KCNQ5: variants seen among roughly 807,000 people sequenced by gnomAD.
KCNQ5 encodes potassium voltage-gated channel subfamily KQT member 5.
Under a neutral mutation model 98.2 loss-of-function variants are expected in KCNQ5, and 30 were observed. That is an observed-to-expected ratio of 0.31 (90% confidence interval 0.23 to 0.41). KCNQ5 has a LOEUF of 0.41. KCNQ5 is among the 10% of genes least tolerant of loss of function. The pLI, the probability that KCNQ5 is intolerant of heterozygous loss-of-function variation, is 1.00. For missense variants in KCNQ5, 835 were observed against 1,182.5 expected, an observed-to-expected ratio of 0.71 and a Z score of 4.31; for synonymous variants, 458 against 449.4, an observed-to-expected ratio of 1.02 and a Z score of -0.24.
At chr6:72,961,494 C>T (rs1046813340) in intron 1 of KCNQ5, among the ~76,000 whole-genome samples, 3 of 151,794 alleles carry the variant, frequency 2.0e-5, no homozygotes, top group Non-Finnish European at 4.4e-5. Context: ...TGGTGGCGGG[C>T]GCCTGTAGTC....
chr6:73,167,738 T>C (rs963212689), intron 10 of KCNQ5, among the ~76,000 whole-genome samples: 2 of 152,122 alleles, frequency 1.3e-5, no homozygotes, highest in African/African-American at 4.8e-5. Context: ...GTTCTGAAGG[T>C]TGGAAGTTCA....
At chr6:72,945,955 A>C (rs1237952105) in intron 1 of KCNQ5, among the ~76,000 whole-genome samples, 2 of 152,148 alleles carry the variant, frequency 1.3e-5, no homozygotes, top group African/African-American at 4.8e-5. Flanking sequence ...TGTAACCCTC[A>C]TTTAACCAAG....
At chr6:72,906,528 C>G (rs940105872) in intron 1 of KCNQ5, among the ~76,000 whole-genome samples, 1 of 152,210 alleles carries the variant, frequency 6.6e-6, no homozygotes, top group Non-Finnish European at 1.5e-5. Flanking sequence ...TGGTGCCAGG[C>G]AGTGATGGCC....
intron 1 of KCNQ5, among the ~76,000 whole-genome samples, chr6:72,889,836 A>C (rs1313355957): frequency 6.6e-6 from 1 of 152,250 alleles, no homozygotes; most frequent in East Asian, 1.9e-4. Flanking sequence ...ATGTACATCC[A>C]CTATGTATCA....
At chr6:72,878,489 T>C (rs1227271338) in intron 1 of KCNQ5, among the ~76,000 whole-genome samples, 7 of 152,174 alleles carry the variant, frequency 4.6e-5, no homozygotes, top group Non-Finnish European at 8.8e-5. Flanking sequence ...TGGTAACAAT[T>C]ACATAGTTCA....
At chr6:72,660,703 A>G (rs1311273237) in intron 1 of KCNQ5, among the ~76,000 whole-genome samples, 1 of 152,176 alleles carries the variant, frequency 6.6e-6, no homozygotes, top group African/African-American at 2.4e-5. Context: ...TTTTAATCAT[A>G]ATTTGTCCTT....
intron 1 of KCNQ5, among the ~76,000 whole-genome samples, chr6:72,736,541 C>T (rs1378919008): frequency 1.4e-5 from 2 of 139,304 alleles, no homozygotes; most frequent in Non-Finnish European, 3.0e-5. Flanking sequence ...GCTCTGTCGC[C>T]CAGGCTGGAG....
At chr6:72,845,094 G>T (rs1194037866) in intron 1 of KCNQ5, among the ~76,000 whole-genome samples, 3 of 152,098 alleles carry the variant, frequency 2.0e-5, no homozygotes, top group Middle Eastern at 3.2e-3. Context: ...CTTATGAAAA[G>T]ACTTTATTAT....
At chr6:72,707,571 C>A (rs765785591) in intron 1 of KCNQ5, among the ~76,000 whole-genome samples, 3 of 152,122 alleles carry the variant, frequency 2.0e-5, no homozygotes, top group Non-Finnish European at 4.4e-5. Context: ...AGATAAAATG[C>A]TTAAATATTC....
At chr6:72,823,703 G>A (rs1296576624) in intron 1 of KCNQ5, among the ~76,000 whole-genome samples, 1 of 152,078 alleles carries the variant, frequency 6.6e-6, no homozygotes, top group African/African-American at 2.4e-5. Context: ...TCCTACTTCT[G>A]TGACACCCCC....
At chr6:72,787,215 A>T (rs966481895) in intron 1 of KCNQ5, among the ~76,000 whole-genome samples, 9 of 152,122 alleles carry the variant, frequency 5.9e-5, no homozygotes, top group African/African-American at 2.2e-4. Flanking sequence ...AAAGAAGAAT[A>T]AAATTTTTTG....
At chr6:73,119,312 T>C (rs1445290611) in intron 7 of KCNQ5, among the ~76,000 whole-genome samples, 1 of 152,228 alleles carries the variant, frequency 6.6e-6, no homozygotes, top group Non-Finnish European at 1.5e-5. Flanking sequence ...ATCTGAGATA[T>C]TGTCTCAACT....
At chr6:72,709,571 A>G (rs911563845) in intron 1 of KCNQ5, among the ~76,000 whole-genome samples, 1 of 152,196 alleles carries the variant, frequency 6.6e-6, no homozygotes, top group African/African-American at 2.4e-5. Context: ...AATGGCTACA[A>G]CTTCTCTTCA....
chr6:72,702,874 G>A (rs1363354459), intron 1 of KCNQ5, among the ~76,000 whole-genome samples: 1 of 152,046 alleles, frequency 6.6e-6, no homozygotes, highest in East Asian at 1.9e-4. Context: ...TCCTTCCTTA[G>A]AATCAGTCTT....
At chr6:72,978,362 A>G (rs1439596227) in intron 1 of KCNQ5, among the ~76,000 whole-genome samples, 1 of 152,220 alleles carries the variant, frequency 6.6e-6, no homozygotes, top group Non-Finnish European at 1.5e-5. Flanking sequence ...GATCATTCCC[A>G]GTCATTCCAT....
chr6:72,835,240 C>A (rs1483587323), intron 1 of KCNQ5, among the ~76,000 whole-genome samples: 2 of 152,022 alleles, frequency 1.3e-5, no homozygotes, highest in Admixed American at 6.5e-5. Context: ...TAGAAGCAAC[C>A]TCAGGATTTT....
intron 1 of KCNQ5, among the ~76,000 whole-genome samples, chr6:72,659,653 A>G (rs904951255): frequency 6.6e-6 from 1 of 152,180 alleles, no homozygotes; most frequent in Non-Finnish European, 1.5e-5. Context: ...AAAAGGGATT[A>G]GGGTGCTCCT....
At chr6:72,841,131 G>A (rs1244770001) in intron 1 of KCNQ5, among the ~76,000 whole-genome samples, 1 of 152,156 alleles carries the variant, frequency 6.6e-6, no homozygotes, top group Non-Finnish European at 1.5e-5. Context: ...TGCCATGACT[G>A]CAAGCTAAAT....
intron 1 of KCNQ5, among the ~76,000 whole-genome samples, chr6:72,719,983 A>C (rs1293175887): frequency 6.6e-6 from 1 of 152,156 alleles, no homozygotes; most frequent in Non-Finnish European, 1.5e-5. Flanking sequence ...TGATATGTAC[A>C]CTAAACTCTG....
Sources: allele counts gnomAD v4.1 joint callset (sites outside exome capture counted in the v4.1 genomes callset), GRCh38; gene constraint gnomAD v4.1.1; transcripts MANE v1.5; gene names NCBI Gene and HGNC (gene_info 2026-07-23, HGNC 2026-07-21).